The following KLHL1 variants were observed in gnomAD, a reference collection of about 807,000 sequenced individuals.
KLHL1 encodes kelch-like protein 1.
In KLHL1, 47 loss-of-function variants were observed where a neutral mutation model predicts 77.7. The ratio of observed to expected loss-of-function variants is 0.60; its 90% CI spans 0.48 to 0.77. The LOEUF (loss-of-function observed/expected upper bound fraction) is 0.77, where lower values mean the gene tolerates loss of function less well. KLHL1 is among the 30% of genes least tolerant of loss of function. The pLI is 0.00. For missense variants in KLHL1, 925 were observed against 910.8 expected (o/e 1.02, Z -0.20); for synonymous variants, 360 against 325.2 (o/e 1.11, Z -1.15).
intron 1 of KLHL1, among the ~76,000 whole-genome samples, chr13:69,981,051 C>T (rs1247997588): frequency 1.3e-5 from 2 of 152,052 alleles, no homozygotes; most frequent in Admixed American, 1.3e-4. Context: ...TAACAGAATG[C>T]CTGGCACACA....
intron 5 of KLHL1, among the ~76,000 whole-genome samples, chr13:69,881,927 C>G (rs1015524002): frequency 6.6e-6 from 1 of 152,088 alleles, no homozygotes; most frequent in African/African-American, 2.4e-5. Context: ...AAATAATTGA[C>G]AGGAGACACT....
chr13:69,858,851 C>A (rs529633029), intron 5 of KLHL1, among the ~76,000 whole-genome samples: 1 of 151,922 alleles, frequency 6.6e-6, no homozygotes, highest in African/African-American at 2.4e-5. Context: ...AGAAAGAATA[C>A]GTCCAGAGGA....
intron 5 of KLHL1, among the ~76,000 whole-genome samples, chr13:69,842,243 C>T (rs1879292837): frequency 6.6e-6 from 1 of 151,402 alleles, no homozygotes; most frequent in African/African-American, 2.4e-5. Context: ...AAAAAATCAA[C>T]AAAGTGAAAA....
At chr13:70,052,174 A>G (rs998987624) in intron 1 of KLHL1, among the ~76,000 whole-genome samples, 2 of 151,928 alleles carry the variant, frequency 1.3e-5, no homozygotes, top group South Asian at 2.1e-4. Context: ...TTGTTTGTTA[A>G]TCAGAACCGG....
intron 8 of KLHL1, among the ~76,000 whole-genome samples, chr13:69,719,811 T>A (rs1387790585): frequency 1.3e-5 from 2 of 151,914 alleles, no homozygotes; most frequent in African/African-American, 4.8e-5. Context: ...CAACTATAAT[T>A]TTAACCTCTA....
At chr13:69,914,300 C>T (rs957688841) in intron 4 of KLHL1, among the ~76,000 whole-genome samples, 3 of 152,122 alleles carry the variant, frequency 2.0e-5, no homozygotes, top group Non-Finnish European at 4.4e-5. Context: ...TGGAGTTTTA[C>T]TCAACAATAA....
chr13:70,035,541 AATAAG>A (rs1479015726), intron 1 of KLHL1, among the ~76,000 whole-genome samples: 1 of 152,080 alleles, frequency 6.6e-6, no homozygotes, highest in East Asian at 1.9e-4. Flanking sequence ...AAACAAACTA[AATAAG>A]ATAATTTTTT....
chr13:69,978,231 T>A (rs948973463), intron 1 of KLHL1, among the ~76,000 whole-genome samples: 21 of 151,942 alleles, frequency 1.4e-4, no homozygotes, highest in African/African-American at 5.1e-4. Context: ...ATGAACATAC[T>A]ATTGACTCTC....
At chr13:70,048,197 A>T (rs1032606726) in intron 1 of KLHL1, among the ~76,000 whole-genome samples, 1 of 152,176 alleles carries the variant, frequency 6.6e-6, no homozygotes, top group East Asian at 1.9e-4. Flanking sequence ...AAAGTCTGAT[A>T]GTCCTGACAA....
At chr13:69,854,187 T>C (rs899604617) in intron 5 of KLHL1, among the ~76,000 whole-genome samples, 2 of 151,954 alleles carry the variant, frequency 1.3e-5, no homozygotes, top group African/African-American at 2.4e-5. Context: ...TGGGAAATTA[T>C]AAAGAAAAGA....
At chr13:69,920,104 A>G (rs1277796675) in intron 4 of KLHL1, among the ~76,000 whole-genome samples, 1 of 104,610 alleles carries the variant, frequency 9.6e-6, no homozygotes, top group Admixed American at 9.7e-5. Context: ...ATATTGTATT[A>G]TTATAATTCT....
Position 69,940,030 on chromosome 13 carries a change from GT to G in KLHL1, c.1014+9del. 4.4e-6 allele frequency: 7 copies of G among 1,582,168 alleles called. No homozygotes were observed. The highest frequency in any genetic ancestry group is 5.2e-6 in the Non-Finnish European group (6 of 1,161,476). On this transcript the variant is annotated intron_variant, in intron 4 of 10. Transcript: ENST00000377844. ...TGTGTCTCCATTATTAAAACATTAA[GT>G]TTCCTTACCATTGTGTAGCTGTGGG... is the stretch of plus-strand genomic sequence containing the variant.
rs1248879199 is a variant in KLHL1 at position 70,108,306 on chromosome 13, G to C, written c.-607C>G. 1 of 344,168 alleles carries C rather than the reference G, an allele frequency of 2.9e-6. No homozygotes were observed. Among genetic ancestry groups the C allele is most frequent in the African/African-American group, 2.1e-5 (1 of 47,514 alleles). The allele number at this position is 344,168 out of a possible 1,614,324, so 21.3% of individuals were successfully genotyped here. ...GGATGCCCCGATAGCCTGCCGGGTG[G>C]CTCTGAGAAAGTCAATTGCTTTCTG... On this transcript the variant is annotated 5_prime_UTR_variant, in exon 1 of 11. Transcript: ENST00000377844.
intron 7 of KLHL1, among the ~76,000 whole-genome samples, chr13:69,794,564 T>TAA (rs58800073): frequency 4.8e-5 from 7 of 144,628 alleles, no homozygotes; most frequent in Non-Finnish European, 7.6e-5. Context: ...AGAGAGAGAT[T>TAA]AAAAAAAAAG....
At chr13:69,937,010 T>A (rs1256778842) in intron 4 of KLHL1, among the ~76,000 whole-genome samples, 2 of 152,182 alleles carry the variant, frequency 1.3e-5, no homozygotes, top group East Asian at 3.9e-4. Context: ...ATATCTTACA[T>A]GAATGCCTCT....
intron 3 of KLHL1, among the ~76,000 whole-genome samples, chr13:69,944,765 G>A (rs1883465690): frequency 6.6e-6 from 1 of 151,984 alleles, no homozygotes; most frequent in African/African-American, 2.4e-5. Context: ...AAACAATTCT[G>A]AAAAATAACA....
At chr13:69,963,687 T>C (rs1037088850) in intron 2 of KLHL1, among the ~76,000 whole-genome samples, 1 of 152,096 alleles carries the variant, frequency 6.6e-6, no homozygotes, top group Non-Finnish European at 1.5e-5. Flanking sequence ...TGTAAGAAAT[T>C]TGCAACATAA....
chr13:70,065,051 T>C (rs539753015), intron 1 of KLHL1, among the ~76,000 whole-genome samples: 3 of 152,274 alleles, frequency 2.0e-5, no homozygotes, highest in Non-Finnish European at 4.4e-5. Context: ...TTTTGGCAAG[T>C]CGATAGGTCA....
At chr13:70,064,362 T>C (rs2137409341) in intron 1 of KLHL1, among the ~76,000 whole-genome samples, 1 of 152,268 alleles carries the variant, frequency 6.6e-6, no homozygotes, top group Admixed American at 6.5e-5. Context: ...TCAATGAAGA[T>C]ATTGTGTACT....
Sources: allele counts gnomAD v4.1 joint callset (sites outside exome capture counted in the v4.1 genomes callset), GRCh38; gene constraint gnomAD v4.1.1; transcripts MANE v1.5; gene names NCBI Gene and HGNC (gene_info 2026-07-23, HGNC 2026-07-21).